Variants in RGS12 observed in about 807,000 individuals in gnomAD.
The protein encoded by RGS12 is regulator of G-protein signaling 12.
RGS12 carries 66 observed loss-of-function variants against 120.1 expected under a neutral mutation model. That is an observed-to-expected ratio of 0.55 (90% CI 0.45 to 0.67). The LOEUF is 0.67. RGS12 is among the 30% of genes least tolerant of loss of function. The pLI, the probability that RGS12 is intolerant of heterozygous loss-of-function variation, is 0.00. For missense variants in RGS12, 1,859 were observed against 1,957.7 expected, an observed-to-expected ratio of 0.95 and a Z score of 0.95; for synonymous variants, 827 against 804.7, an observed-to-expected ratio of 1.03 and a Z score of -0.47.
At chr4:3,341,082 G>A (rs533706697) in intron 2 of RGS12, among the ~76,000 whole-genome samples, 37 of 150,882 alleles carry the variant, frequency 2.5e-4, no homozygotes, top group African/African-American at 8.3e-4. Flanking sequence ...GCATCCTCTC[G>A]TGTTCCCGGC....
At position 3,420,748 on chromosome 4, in the gene RGS12, G is replaced by A. The variant is rs371964195; in HGVS notation, c.2838+30G>A. ...GTCACTGTCTCCCCTCGTCCCACAG[G>A]CCTCAGGGGTGTCCCCACCAGCTGA... On this transcript the variant is annotated intron_variant, in intron 10 of 17. Coordinates refer to ENST00000336727, the MANE Select transcript of RGS12 (RefSeq NM_001394154.1). 12 of 1,583,798 alleles carry A rather than the reference G, an allele frequency of 7.6e-6. No individual in the cohort carries two copies. In the East Asian group the frequency reaches 2.7e-4, roughly 35 times the overall value.
intron 2 of RGS12, among the ~76,000 whole-genome samples, chr4:3,339,894 G>A (rs1399998744): frequency 1.3e-5 from 2 of 152,154 alleles, no homozygotes; most frequent in Non-Finnish European, 2.9e-5. Flanking sequence ...AGCTCTGTTT[G>A]TTAGGGTTTT....
chr4:3,333,431 C>T (rs1712097396), intron 2 of RGS12, among the ~76,000 whole-genome samples: 2 of 152,360 alleles, frequency 1.3e-5, no homozygotes, highest in Admixed American at 6.5e-5. Flanking sequence ...AGCCACTGCA[C>T]CCGGTCTGTG....
Position 3,316,232 on chromosome 4 carries a change from G to T in RGS12, c.62G>T (p.Arg21Leu). ...PLPGPSPPRV[R>L]SVEVARGRAG... Reference sequence around the variant, plus strand: ...CCTGGGCCGTCGCCCCCAAGGGTGCGGAGTGTGGAGGTTGCCCGGGGGAGG... The same window carrying T: ...CCTGGGCCGTCGCCCCCAAGGGTGCTGAGTGTGGAGGTTGCCCGGGGGAGG... Residue 21 changes from arginine to leucine, a missense_variant, in exon 2 of 18, where the codon CGG becomes CTG. Physicochemically the swap from Arg to Leu is moderately radical, Grantham distance 102 (BLOSUM62 -2). Around this residue, in one of 3 missense-constraint regions of RGS12, gnomAD observed 967 missense variants for 994.2 expected, o/e 0.97. Coordinates refer to ENST00000336727, the MANE Select transcript of RGS12 (RefSeq NM_001394154.1). 1 of 1,612,064 alleles carries T rather than the reference G, an allele frequency of 6.2e-7. No individual in the cohort carries two copies. Among genetic ancestry groups the T allele is most frequent in the Non-Finnish European group, 8.5e-7 (1 of 1,178,822 alleles).
intron 3 of RGS12, among the ~76,000 whole-genome samples, chr4:3,356,196 A>G (rs932398589): frequency 2.0e-5 from 3 of 151,850 alleles, no homozygotes; most frequent in African/African-American, 7.3e-5. Context: ...CTGGGAGTAC[A>G]GGAGTGAGCC....
At chr4:3,373,227 C>T (rs1208465894) in intron 3 of RGS12, among the ~76,000 whole-genome samples, 2 of 152,244 alleles carry the variant, frequency 1.3e-5, no homozygotes, top group Non-Finnish European at 2.9e-5. Context: ...TGCCATTTGA[C>T]TGGAACCTTC....
chr4:3,286,321 G>A, the RGS12 span, among the ~76,000 whole-genome samples: 1 of 152,200 alleles, frequency 6.6e-6, no homozygotes, highest in Admixed American at 6.5e-5. Flanking sequence ...ACCAAATGCA[G>A]CCTGCCCGGT....
chr4:3,354,215 C>T (rs1265419745), intron 3 of RGS12, among the ~76,000 whole-genome samples: 3 of 152,218 alleles, frequency 2.0e-5, no homozygotes, highest in African/African-American at 7.2e-5. Context: ...CCTCCCGCAA[C>T]ATGGGAAGCC....
chr4:3,344,846 A>C (rs1436502980), intron 3 of RGS12, among the ~76,000 whole-genome samples: 1 of 152,150 alleles, frequency 6.6e-6, no homozygotes, highest in East Asian at 1.9e-4. Context: ...CCCAGGTGGC[A>C]GGGCTGCCTG....
intron 4 of RGS12, among the ~76,000 whole-genome samples, chr4:3,394,442 C>T (rs915014191): frequency 2.8e-4 from 42 of 152,146 alleles, no homozygotes; most frequent in Non-Finnish European, 3.2e-4. Context: ...GGATTACAGG[C>T]GTGAGCTACC....
rs1011585505 is a variant in RGS12 at position 3,372,829 on chromosome 4, T to G, written c.1999-13587T>G. On this transcript the variant is annotated intron_variant, in intron 3 of 17. Coordinates refer to ENST00000336727, the MANE Select transcript of RGS12 (RefSeq NM_001394154.1). The surrounding 1 kb of genome is among the most constrained non-coding windows in gnomAD (Gnocchi z 4.3). ...TGCCAGAGCGTGACAGAAAGAACTT[T>G]CTAGAGACCACAGGGCTTCTCTCCC... Among the ~76,000 whole-genome samples the G allele has an allele frequency of 3.9e-5, 6 of 152,248 alleles. No individual in the cohort carries two copies. The highest frequency in any genetic ancestry group is 1.4e-4 in the African/African-American group (6 of 41,466).
At chr4:3,368,064 C>T (rs368456983) in intron 3 of RGS12, among the ~76,000 whole-genome samples, 68 of 152,330 alleles carry the variant, frequency 4.5e-4, no homozygotes, top group Middle Eastern at 3.4e-3. Context: ...GCAGAAGGCC[C>T]CACGCATGCC....
chr4:3,298,923 CT>C (rs1428876733), intron 1 of RGS12, among the ~76,000 whole-genome samples: 1 of 152,158 alleles, frequency 6.6e-6, no homozygotes, highest in East Asian at 1.9e-4. Context: ...CTTTAATGTT[CT>C]TTTCTGCTAA....
At position 3,317,472 on chromosome 4, in the gene RGS12, G is replaced by C. The variant is rs1346891315; in HGVS notation, c.1302G>C (p.Lys434Asn). 1.2e-6 allele frequency: 2 copies of C among 1,613,972 alleles called. No homozygotes were observed. Among genetic ancestry groups the C allele is most frequent in the Admixed American group, 3.3e-5 (2 of 60,028 alleles). The stretch of plus-strand genomic sequence containing the variant: ...TTGGGAACTTCCACCAGGAGGAGAA[G>C]AGCAACCGGGTCCTTGTGGTGGACC... Reference protein sequence around the residue: ...SGIGNFHQEEKSNRVLVVDLG... With the variant: ...SGIGNFHQEENSNRVLVVDLG... The change falls in exon 2 of 18, where the codon AAG (lysine) becomes AAC (asparagine). Residue 434 changes from lysine (K) to asparagine (N), a missense_variant. Around this residue, in one of 3 missense-constraint regions of RGS12, gnomAD observed 967 missense variants for 994.2 expected, o/e 0.97. Transcript: ENST00000336727.
intron 11 of RGS12, 53 bp downstream of exon 11, chr4:3,422,623 C>T: frequency 6.4e-7 from 1 of 1,550,994 alleles, no homozygotes; most frequent in Non-Finnish European, 8.7e-7. Flanking sequence ...CCTCCCCGCT[C>T]CCTGGCCCCC....
In RGS12 at chr4:3,317,335, C is replaced by T; in HGVS notation, c.1165C>T (p.Leu389=). 6.2e-7 allele frequency: 1 copy of T among 1,614,170 alleles called. No individual in the cohort carries two copies. The highest frequency in any genetic ancestry group is 8.5e-7 in the Non-Finnish European group (1 of 1,180,040). The stretch of plus-strand genomic sequence containing the variant: ...CCCCGTCCTGCAGTTCATCTCTGTC[C>T]TGTACCGAGACATGGGTGAGCTGAT... ...SLPVLQFISV[L]YRDMGELIEG... is the part of the protein sequence containing the mutation. Residue 389 remains leucine (L), a synonymous_variant, in exon 2 of 18, where the codon CTG becomes TTG. Coordinates refer to ENST00000336727, the MANE Select transcript of RGS12 (RefSeq NM_001394154.1).
rs779487111 is a variant in RGS12 at position 3,317,157 on chromosome 4, G to A, written c.987G>A (p.Glu329=). Reference sequence around the variant, plus strand: ...ACGACGGGAGCCTGGCCCAGGAGGAGGAGGGCGCCCTGCGGACTTCCTGCC... The same window carrying A: ...ACGACGGGAGCCTGGCCCAGGAGGAAGAGGGCGCCCTGCGGACTTCCTGCC... ...TNDDGSLAQE[E]EGALRTSCHV... The change falls in exon 2 of 18, where the codon GAG becomes GAA. Residue 329 remains glutamate, a synonymous_variant. Coordinates refer to ENST00000336727, the MANE Select transcript of RGS12 (RefSeq NM_001394154.1). The A allele has an allele frequency of 4.3e-6, 7 of 1,613,178 alleles. No individual in the cohort carries two copies. The highest frequency in any genetic ancestry group is 2.2e-5 in the East Asian group (1 of 44,866).
intron 4 of RGS12, among the ~76,000 whole-genome samples, chr4:3,405,729 G>A (rs1230561654): frequency 2.0e-5 from 3 of 152,236 alleles, no homozygotes; most frequent in Non-Finnish European, 2.9e-5. Flanking sequence ...CTGGAAAAAG[G>A]TTGCGTGTGT....
chr4:3,414,504 G>C (rs989116557), intron 5 of RGS12: 16 of 597,900 alleles, frequency 2.7e-5, no homozygotes, highest in Non-Finnish European at 4.4e-5. Flanking sequence ...CAGCACTGGA[G>C]CTTCCTATCT....
Sources: allele counts gnomAD v4.1 joint callset (sites outside exome capture counted in the v4.1 genomes callset), GRCh38; gene constraint gnomAD v4.1.1; regional missense constraint gnomAD v4.1.1; non-coding constraint Gnocchi (gnomAD v3.1); transcripts MANE v1.5; gene names NCBI Gene and HGNC (gene_info 2026-07-23, HGNC 2026-07-21).